The following CDH13 variants were observed in gnomAD, a reference collection of about 807,000 sequenced individuals.
The protein encoded by CDH13 is cadherin 13, also known as cadherin-13.
In CDH13, 24 loss-of-function variants were observed where a neutral mutation model predicts 63.8. The ratio of observed to expected loss-of-function variants is 0.38; its 90% CI spans 0.27 to 0.53. The LOEUF is 0.53. Ranked by LOEUF, CDH13 falls within the 20% of genes least tolerant of loss-of-function variation. The pLI is 0.85. For missense variants in CDH13, 1,049 were observed against 903.1 expected (o/e 1.16, Z -2.07); for synonymous variants, 503 against 355.3 (o/e 1.42, Z -4.67).
At position 83,032,161 on chromosome 16, in the gene CDH13, G is replaced by A. The variant is rs751351911; in HGVS notation, c.309G>A (p.Ala103=). The A allele has an allele frequency of 1.4e-5, 23 of 1,613,562 alleles. No homozygotes were observed. Among genetic ancestry groups the A allele is most frequent in the South Asian group, 4.4e-5 (4 of 91,054 alleles). ...TCGTCCATGCACGGACCCCCCATGC[G>A]GAAGATATGGCAGAACTCGTGATTG... The part of the protein sequence containing the change: ...TLFVHARTPH[A]EDMAELVIVG... The change falls in exon 3 of 14, where the codon GCG becomes GCA. Residue 103 remains alanine, a synonymous_variant. Transcript: ENST00000567109.
intron 6 of CDH13, among the ~76,000 whole-genome samples, chr16:83,406,299 TCTC>T (rs892169151): frequency 1.5e-4 from 23 of 152,118 alleles, no homozygotes; most frequent in African/African-American, 5.3e-4. Flanking sequence ...TCTTCTGCCT[TCTC>T]CTACCTGCTT....
intron 8 of CDH13, among the ~76,000 whole-genome samples, chr16:83,653,468 C>G (rs1912578694): frequency 6.7e-6 from 1 of 149,836 alleles, no homozygotes; most frequent in East Asian, 2.0e-4. Context: ...CTCCATAGCT[C>G]AGAAATCAAA....
intron 7 of CDH13, among the ~76,000 whole-genome samples, chr16:83,487,346 G>T (rs2073913388): frequency 6.6e-6 from 1 of 152,052 alleles, no homozygotes; most frequent in Non-Finnish European, 1.5e-5. Context: ...AGTTTTTCTG[G>T]ACATCAGAAA....
chr16:82,978,878 C>T (rs2325827), intron 2 of CDH13, among the ~76,000 whole-genome samples: 69,649 of 136,852 alleles, frequency 0.51, 16,135 homozygotes, highest in African/African-American at 0.6. Flanking sequence ...GTAGCTCCAC[C>T]GACAGCTTGC....
chr16:83,783,140 C>G (rs1915644005), intron 12 of CDH13, 114 bp from the exon 13 acceptor site: 5 of 712,908 alleles, frequency 7.0e-6, no homozygotes, highest in Non-Finnish European at 1.2e-5. Flanking sequence ...AGCATTCGCA[C>G]AATTATAAAT....
At chr16:83,543,728 G>A (rs1292177606) in intron 7 of CDH13, among the ~76,000 whole-genome samples, 3 of 152,164 alleles carry the variant, frequency 2.0e-5, no homozygotes, top group Non-Finnish European at 4.4e-5. Context: ...GGACCAGCGG[G>A]TATGCTGCTC....
At chr16:83,313,110 G>T (rs2090035386) in intron 5 of CDH13, among the ~76,000 whole-genome samples, 1 of 152,196 alleles carries the variant, frequency 6.6e-6, no homozygotes, top group African/African-American at 2.4e-5. Context: ...TCATGCACAT[G>T]CTCATGAGTT....
intron 5 of CDH13, among the ~76,000 whole-genome samples, chr16:83,263,752 A>T (rs1337729111): frequency 6.6e-6 from 1 of 152,158 alleles, no homozygotes; most frequent in Non-Finnish European, 1.5e-5. Context: ...AGTGGCAGAG[A>T]CAGCAGGCTG....
At chr16:82,665,369 A>G (rs4783251) in intron 1 of CDH13, among the ~76,000 whole-genome samples, 59,448 of 151,966 alleles carry the variant, frequency 0.39, 12,669 homozygotes, top group Non-Finnish European at 0.48. Context: ...TAAGTAAGGC[A>G]TCTTTAAACC....
At chr16:82,715,499 A>G (rs752836305) in intron 1 of CDH13, among the ~76,000 whole-genome samples, 5 of 152,110 alleles carry the variant, frequency 3.3e-5, no homozygotes, top group South Asian at 2.1e-4. Flanking sequence ...GCCGCAAAGG[A>G]TTTTATTTGA....
chr16:83,141,390 C>T (rs968527693), intron 4 of CDH13, among the ~76,000 whole-genome samples: 2 of 152,180 alleles, frequency 1.3e-5, no homozygotes, highest in African/African-American at 4.8e-5. Context: ...ATAAGCTTGA[C>T]ATAATTGATG....
chr16:83,119,266 C>G (rs2035454947), intron 3 of CDH13, among the ~76,000 whole-genome samples: 1 of 152,172 alleles, frequency 6.6e-6, no homozygotes. Context: ...TCCCTTTTCC[C>G]TTTTCCCTCT....
At chr16:83,104,774 C>A (rs939214434) in intron 3 of CDH13, among the ~76,000 whole-genome samples, 2 of 152,152 alleles carry the variant, frequency 1.3e-5, no homozygotes, top group African/African-American at 4.8e-5. Context: ...TGGGAGACAG[C>A]TTTCTAATTT....
Position 83,797,662 on chromosome 16 carries a change from T to C in CDH13, c.*2632T>C, listed in dbSNP as rs1904288832. 6.6e-6 allele frequency: 1 copy of C among 152,246 alleles called. No homozygotes were observed. Among genetic ancestry groups the C allele is most frequent in the South Asian group, 2.1e-4 (1 of 4,838 alleles). The allele number at this position is 152,246 out of a possible 1,614,324, so 9.4% of individuals were successfully genotyped here. On this transcript the variant is annotated 3_prime_UTR_variant, in exon 14 of 14. Coordinates refer to ENST00000567109, the MANE Select transcript of CDH13 (RefSeq NM_001257.5). ...ATAGTAGAATCAAAATGTTATTTCATTATTACCTATGCATTTTATCTGAGT... is the reference window on the plus strand; with the variant it reads ...ATAGTAGAATCAAAATGTTATTTCACTATTACCTATGCATTTTATCTGAGT...
At chr16:83,582,961 AAAC>A (rs1905765717) in intron 7 of CDH13, among the ~76,000 whole-genome samples, 1 of 152,208 alleles carries the variant, frequency 6.6e-6, no homozygotes, top group Non-Finnish European at 1.5e-5. Flanking sequence ...ACTAGAGGGC[AAAC>A]AACAACTGAA....
intron 1 of CDH13, among the ~76,000 whole-genome samples, chr16:82,855,921 T>C (rs1285902166): frequency 1.3e-5 from 2 of 152,166 alleles, no homozygotes; most frequent in African/African-American, 2.4e-5. Flanking sequence ...TGACACTGCT[T>C]TGAGTTCTCT....
intron 1 of CDH13, among the ~76,000 whole-genome samples, chr16:82,757,202 G>T (rs1251282562): frequency 1.3e-5 from 2 of 152,154 alleles, no homozygotes; most frequent in Non-Finnish European, 2.9e-5. Context: ...CTAAGGCAGG[G>T]ACCACTTTTC....
In CDH13 at chr16:83,391,964, C is replaced by T. The variant is rs201406228; in HGVS notation, c.781+46958C>T. Among the ~76,000 whole-genome samples, 6 of 152,204 alleles carry T rather than the reference C, an allele frequency of 3.9e-5. No individual in the cohort carries two copies. In the East Asian group the frequency reaches 9.7e-4, roughly 24 times the overall value. ...CCAAAGACTGTTTATCAGGGTCATT[C>T]GAAATGTATGTGGGGCAACTCTATG... On this transcript the variant is annotated intron_variant, in intron 6 of 13. Coordinates refer to ENST00000567109, the MANE Select transcript of CDH13 (RefSeq NM_001257.5).
chr16:83,411,039 C>G (rs1329305714), intron 6 of CDH13, among the ~76,000 whole-genome samples: 1 of 152,206 alleles, frequency 6.6e-6, no homozygotes, highest in African/African-American at 2.4e-5. Flanking sequence ...CAGTTGGTCA[C>G]TTGCTTCATG....
Sources: allele counts gnomAD v4.1 joint callset (sites outside exome capture counted in the v4.1 genomes callset), GRCh38; gene constraint gnomAD v4.1.1; transcripts MANE v1.5; gene names NCBI Gene and HGNC (gene_info 2026-07-23, HGNC 2026-07-21).